RBFOX2: variants seen among roughly 807,000 people sequenced by gnomAD.
The protein encoded by RBFOX2 is RNA binding protein fox-1 homolog 2.
A neutral mutation model predicts 49.1 loss-of-function variants in RBFOX2; 10 were observed. That is an observed-to-expected ratio of 0.20 (90% CI 0.13 to 0.35). RBFOX2 has a LOEUF of 0.35. RBFOX2 is among the 10% of genes least tolerant of loss of function. The pLI, the probability that RBFOX2 is intolerant of heterozygous loss-of-function variation, is 1.00. For missense variants in RBFOX2, 323 were observed against 486.9 expected (o/e 0.66, Z 3.17); for synonymous variants, 183 against 187.4 (o/e 0.98, Z 0.19).
At chr22:35,761,042 T>C (rs1013340614) in intron 8 of RBFOX2, among the ~76,000 whole-genome samples, 160 bp downstream of exon 9, 8 of 152,316 alleles carry the variant, frequency 5.3e-5, no homozygotes, top group African/African-American at 1.9e-4. Context: ...AGGAAAATTC[T>C]AGCACAGGTT....
intron 1 of RBFOX2, among the ~76,000 whole-genome samples, chr22:36,025,930 G>C (rs970821544): frequency 6.6e-6 from 1 of 151,922 alleles, no homozygotes; most frequent in Admixed American, 6.6e-5. Flanking sequence ...TCAATGATTT[G>C]AATACCTGTA....
rs929903442 is a variant in RBFOX2, at chr22:35,749,665, C to T, written c.888-3104G>A. ...GCATAGAAATTTCAGGCTGAGAAAC[C>T]GTTTTTTCAGCTTTCACTCTTACTA... On this transcript the variant is annotated intron_variant, in intron 9 of 11. Coordinates refer to ENST00000405409, the Ensembl canonical transcript of RBFOX2. The surrounding 1 kb of genome is among the most constrained non-coding windows in gnomAD (Gnocchi z 4.1). 3.9e-5 allele frequency among the ~76,000 whole-genome samples: 6 copies of T among 151,998 alleles called. No individual in the cohort carries two copies. The highest frequency in any genetic ancestry group is 8.8e-5 in the Non-Finnish European group (6 of 68,004).
At chr22:35,840,147 C>A (rs1399511260) in intron 1 of RBFOX2, 1 of 1,602,784 alleles carries the variant, frequency 6.2e-7, no homozygotes, top group South Asian at 1.1e-5. Context: ...TTATTTAGAT[C>A]CCAGAGAGGA....
At chr22:36,027,339 T>C (rs913931785) in intron 1 of RBFOX2, among the ~76,000 whole-genome samples, 2 of 152,170 alleles carry the variant, frequency 1.3e-5, no homozygotes, top group African/African-American at 4.8e-5. Context: ...AGACTCATCA[T>C]GTCATAGCAG....
chr22:35,915,452 A>G (rs1198538869), intron 1 of RBFOX2, among the ~76,000 whole-genome samples: 2 of 152,214 alleles, frequency 1.3e-5, no homozygotes, highest in Non-Finnish European at 2.9e-5. Context: ...TCTCTCTCCC[A>G]TTTCAAAGCT....
intron 9 of RBFOX2, among the ~76,000 whole-genome samples, chr22:35,758,818 T>TATGA (rs142332120): frequency 0.049 from 7,381 of 152,136 alleles, 206 homozygotes; most frequent in Middle Eastern, 0.065. Flanking sequence ...CCATTTGGTC[T>TATGA]ATGAATGAAT....
intron 1 of RBFOX2, among the ~76,000 whole-genome samples, chr22:35,915,557 A>G (rs2050317705): frequency 6.6e-6 from 1 of 152,194 alleles, no homozygotes; most frequent in Non-Finnish European, 1.5e-5. Flanking sequence ...GTCAGTAAGG[A>G]GCTGCTGAAA....
chr22:35,782,179 G>C (rs1945290537), intron 2 of RBFOX2, among the ~76,000 whole-genome samples: 3 of 152,074 alleles, frequency 2.0e-5, no homozygotes, highest in Non-Finnish European at 4.4e-5. Context: ...TTTGGTCTAT[G>C]ATCTCAGGCT....
intron 2 of RBFOX2, among the ~76,000 whole-genome samples, chr22:35,804,913 C>A (rs1950424765): frequency 6.6e-6 from 1 of 152,126 alleles, no homozygotes. Flanking sequence ...TTGGAAAAGA[C>A]TTATCTGATA....
At chr22:36,013,626 AAC>A (rs547422068) in intron 1 of RBFOX2, among the ~76,000 whole-genome samples, 102 of 145,920 alleles carry the variant, frequency 7.0e-4, no homozygotes, top group Non-Finnish European at 8.3e-4. Flanking sequence ...GCATCACACA[AAC>A]ACACACACAC....
At chr22:35,827,100 A>G (rs1345109699) in intron 1 of RBFOX2, among the ~76,000 whole-genome samples, 7 of 152,206 alleles carry the variant, frequency 4.6e-5, no homozygotes, top group Admixed American at 4.6e-4. Flanking sequence ...TTAGTTCTAC[A>G]ATGTGTTGCC....
chr22:35,967,410 C>A (rs2056626683), intron 1 of RBFOX2, among the ~76,000 whole-genome samples: 2 of 149,356 alleles, frequency 1.3e-5, no homozygotes, highest in African/African-American at 5.0e-5. Context: ...AAATACCCTA[C>A]CAAAAAAAAA....
At chr22:35,910,915 C>G (rs1170762575) in intron 1 of RBFOX2, among the ~76,000 whole-genome samples, 1 of 152,082 alleles carries the variant, frequency 6.6e-6, no homozygotes, top group Non-Finnish European at 1.5e-5. Flanking sequence ...CAGGCTATGA[C>G]TTTACTTTTA....
chr22:35,886,316 TA>T (rs539435857), intron 1 of RBFOX2, among the ~76,000 whole-genome samples: 11 of 151,028 alleles, frequency 7.3e-5, no homozygotes, highest in East Asian at 5.8e-4. Flanking sequence ...TGAAAGATGC[TA>T]AAAAAAAATG....
intron 2 of RBFOX2, among the ~76,000 whole-genome samples, chr22:35,805,187 G>A (rs1016489615): frequency 2.0e-5 from 3 of 151,630 alleles, no homozygotes; most frequent in African/African-American, 7.3e-5. Flanking sequence ...CTATGCGGGA[G>A]GCTGAGGCAG....
rs1435835749 is a variant in RBFOX2, at chr22:36,001,209, ACACACACACACACACACACACACAC to A, written c.186+27006_186+27030del. Among the ~76,000 whole-genome samples the A allele has an allele frequency of 3.4e-5, 5 of 148,266 alleles. No homozygotes were observed. In the East Asian group the frequency reaches 6.0e-4, roughly 18 times the overall value. On this transcript the variant is annotated intron_variant, in intron 1 of 13. Transcript: ENST00000438146. ...TACACACACACACACACACACACAC[ACACACACACACACACACACACACAC>A]TATATGTATATACATGTACACATAC...
chr22:35,930,931 A>G (rs979758169), intron 1 of RBFOX2, among the ~76,000 whole-genome samples: 1 of 152,256 alleles, frequency 6.6e-6, no homozygotes, highest in Non-Finnish European at 1.5e-5. Context: ...GAAACAGCAG[A>G]ATAAGCATAT....
At chr22:36,006,209 A>G (rs2058612610) in intron 1 of RBFOX2, among the ~76,000 whole-genome samples, 1 of 152,244 alleles carries the variant, frequency 6.6e-6, no homozygotes, top group Non-Finnish European at 1.5e-5. Context: ...ACAAAACAAC[A>G]TTGTTACAGC....
chr22:35,818,311 A>G (rs1462281247), intron 1 of RBFOX2, among the ~76,000 whole-genome samples: 1 of 152,224 alleles, frequency 6.6e-6, no homozygotes, highest in Non-Finnish European at 1.5e-5. Context: ...GAAGGCCCTT[A>G]CAATTAATAG....
Sources: allele counts gnomAD v4.1 joint callset (sites outside exome capture counted in the v4.1 genomes callset), GRCh38; gene constraint gnomAD v4.1.1; non-coding constraint Gnocchi (gnomAD v3.1); transcripts MANE v1.5; gene names NCBI Gene and HGNC (gene_info 2026-07-23, HGNC 2026-07-21).